KIAA1549: variants seen among roughly 807,000 people sequenced by gnomAD.
KIAA1549 encodes the protein UPF0606 protein KIAA1549.
A neutral mutation model predicts 156.4 loss-of-function variants in KIAA1549; 70 were observed. The ratio of observed to expected loss-of-function variants is 0.45; its 90% CI spans 0.37 to 0.55. The LOEUF (loss-of-function observed/expected upper bound fraction) is 0.55, where lower values mean the gene tolerates loss of function less well. Ranked by LOEUF, KIAA1549 falls within the 20% of genes least tolerant of loss-of-function variation. KIAA1549 has a pLI of 0.00. For synonymous variants in KIAA1549, 1,103 were observed against 1,066.4 expected (o/e 1.03, Z -0.67); for missense variants, 2,428 against 2,540.9 (o/e 0.96, Z 0.96).
rs571514665 is a variant in KIAA1549, at chr7:138,831,710, G to T, written c.*6196C>A. The T allele has an allele frequency of 8.6e-6, 2 of 231,240 alleles. No individual in the cohort carries two copies. Among genetic ancestry groups the T allele is most frequent in the South Asian group, 3.6e-4 (2 of 5,514 alleles). 14.3% of individuals were successfully genotyped at this position (231,240 alleles called of 1,614,324 possible). A position where few individuals can be genotyped will look rare whatever the true frequency, so the allele number is the denominator to read the frequency against. On this transcript the variant is annotated 3_prime_UTR_variant, in exon 20 of 20. Transcript: ENST00000422774. ...TCGTACATTAACGCTCATAATCTAGGGATGAGTGTGCAGGAAGAGCCAGAA... is the reference window on the plus strand; with the variant it reads ...TCGTACATTAACGCTCATAATCTAGTGATGAGTGTGCAGGAAGAGCCAGAA...
intron 1 of KIAA1549, among the ~76,000 whole-genome samples, chr7:138,949,146 C>T (rs1813418838): frequency 6.6e-6 from 1 of 152,148 alleles, no homozygotes; most frequent in Non-Finnish European, 1.5e-5. Flanking sequence ...TCGAAAAAAT[C>T]GTTTTGAGAC....
In KIAA1549 at chr7:138,918,053, G is replaced by A. The variant is rs1812403138; in HGVS notation, c.1573C>T (p.His525Tyr). Reference sequence around the variant, plus strand: ...GACGCCGGCACAGAGAGGCGGCCGTGGGCAGGGGGAACCTGTGTGGTTGTA... The same window carrying A: ...GACGCCGGCACAGAGAGGCGGCCGTAGGCAGGGGGAACCTGTGTGGTTGTA... ...SVTTTQVPPAHGRLSVPASLD... is the reference protein window; with the variant it reads ...SVTTTQVPPAYGRLSVPASLD... Residue 525 changes from histidine (H) to tyrosine (Y), a missense_variant, in exon 2 of 20, where the codon CAC becomes TAC. His to Tyr is a moderately conservative substitution (Grantham distance 83). Transcript: ENST00000422774. This position sits in a 1 kb window ranked among gnomAD's most constrained non-coding sequence, Gnocchi z 4.2. 6.2e-7 allele frequency: 1 copy of A among 1,612,600 alleles called. No homozygotes were observed. The highest frequency in any genetic ancestry group is 1.3e-5 in the African/African-American group (1 of 74,906).
In KIAA1549 at chr7:138,837,838, A is replaced by C; in HGVS notation, c.*68T>G. The C allele has an allele frequency of 6.5e-7, 1 of 1,540,780 alleles. No homozygotes were observed. Among genetic ancestry groups the C allele is most frequent in the Non-Finnish European group, 8.8e-7 (1 of 1,139,608 alleles). Reference sequence around the variant, plus strand: ...TCCTTCCTCTTCCAAACACCCACTCAGTTGATTTCCTTTTGGTCTTGCTTC... The same window carrying C: ...TCCTTCCTCTTCCAAACACCCACTCCGTTGATTTCCTTTTGGTCTTGCTTC... On this transcript the variant is annotated 3_prime_UTR_variant, in exon 20 of 20. Coordinates refer to ENST00000422774, the MANE Select transcript of KIAA1549 (RefSeq NM_001164665.2).
intron 15 of KIAA1549, among the ~76,000 whole-genome samples, chr7:138,867,132 T>C (rs920103868): frequency 1.3e-5 from 2 of 152,102 alleles, no homozygotes; most frequent in Non-Finnish European, 2.9e-5. Flanking sequence ...CTTTCTCCCA[T>C]AAAAGCAAAA....
intron 17 of KIAA1549, among the ~76,000 whole-genome samples, chr7:138,849,420 C>T (rs1468851104): frequency 6.6e-6 from 1 of 152,006 alleles, no homozygotes; most frequent in East Asian, 1.9e-4. Flanking sequence ...TATAGCTGCA[C>T]CTCACAACAT....
At chr7:138,843,135 T>C (rs1302759208) in intron 18 of KIAA1549, among the ~76,000 whole-genome samples, 3 of 152,246 alleles carry the variant, frequency 2.0e-5, no homozygotes, top group Non-Finnish European at 4.4e-5. Context: ...TGCTAGGCAC[T>C]ATTTTGAGCA....
Position 138,979,813 on chromosome 7 carries a change from C to T in KIAA1549, c.187+1270G>A, listed in dbSNP as rs144912324. On this transcript the variant is annotated intron_variant, in intron 1 of 19. Transcript: ENST00000422774. ...CTGGTTCCACCCAGCTATGGGAAAT[C>T]TCTGCAGAGGCTTCAGGTGTGGATA... Among the ~76,000 whole-genome samples, 638 of 152,334 alleles carry T rather than the reference C, an allele frequency of 4.2e-3. 2 individuals carry two copies. The highest frequency in any genetic ancestry group is 0.014 in the African/African-American group (602 of 41,566).
chr7:138,893,974 G>A (rs980533034), intron 10 of KIAA1549, among the ~76,000 whole-genome samples: 2 of 152,240 alleles, frequency 1.3e-5, no homozygotes, highest in African/African-American at 4.8e-5. Flanking sequence ...GGAGACCGAG[G>A]CAGGAGAATC....
chr7:138,909,648 T>C (rs1473947095), intron 4 of KIAA1549, among the ~76,000 whole-genome samples: 2 of 152,184 alleles, frequency 1.3e-5, no homozygotes, highest in Non-Finnish European at 2.9e-5. Context: ...ATATGATATT[T>C]AGAAATTACT....
chr7:138,899,144 C>T lies in KIAA1549; in HGVS notation c.3670-12G>A. On this transcript the variant is annotated splice_polypyrimidine_tract_variant and intron_variant, in intron 8 of 19. Transcript: ENST00000422774. ...GACACATTTACCACCTGAAAGATAG[C>T]AGAAACCATTCACATTGCAGAAGCT... 6.2e-7 allele frequency: 1 copy of T among 1,612,386 alleles called. No homozygotes were observed. Among genetic ancestry groups the T allele is most frequent in the South Asian group, 1.1e-5 (1 of 90,976 alleles).
At position 138,916,862 on chromosome 7, in the gene KIAA1549, G is replaced by T; in HGVS notation, c.2764C>A (p.Arg922Ser). Residue 922 changes from arginine to serine, a missense_variant, in exon 2 of 20, where the codon CGT becomes AGT. By Grantham distance (110) the Arg-to-Ser change is moderately radical. Transcript: ENST00000422774. ...SSAAPPLPSL[R>S]PVTAFTLEAT... ...TCGAGAGTGAAGGCAGTCACGGGAC[G>T]CAGGGATGGCAGGGGAGGAGCAGCA... 1 of 1,613,928 alleles carries T rather than the reference G, an allele frequency of 6.2e-7. No homozygotes were observed. Among genetic ancestry groups the T allele is most frequent in the Non-Finnish European group, 8.5e-7 (1 of 1,179,882 alleles).
intron 10 of KIAA1549, among the ~76,000 whole-genome samples, chr7:138,888,172 C>T (rs1056296885): frequency 9.2e-5 from 14 of 152,222 alleles, no homozygotes; most frequent in African/African-American, 3.1e-4. Context: ...GCCTGGCAGG[C>T]ACCCTTGTCC....
chr7:138,948,415 G>A (rs890774595), intron 1 of KIAA1549, among the ~76,000 whole-genome samples: 3 of 152,134 alleles, frequency 2.0e-5, no homozygotes, highest in African/African-American at 7.2e-5. Flanking sequence ...ACAAACACAA[G>A]AGGCAGGAAA....
At chr7:138,872,353 G>C (rs1411260941) in intron 12 of KIAA1549, among the ~76,000 whole-genome samples, 1 of 105,602 alleles carries the variant, frequency 9.5e-6, no homozygotes, top group Non-Finnish European at 1.9e-5. Context: ...AAACTAATCA[G>C]AACTGTGAAA....
intron 15 of KIAA1549, among the ~76,000 whole-genome samples, chr7:138,862,171 T>C (rs1164367893): frequency 6.6e-6 from 1 of 152,052 alleles, no homozygotes; most frequent in African/African-American, 2.4e-5. Context: ...CCTTAAAAGA[T>C]CAAAACTTTT....
intron 1 of KIAA1549, among the ~76,000 whole-genome samples, chr7:138,968,958 TG>T (rs1253483762): frequency 1.3e-5 from 2 of 151,636 alleles, no homozygotes; most frequent in Admixed American, 6.6e-5. Context: ...AGGTTTGGGG[TG>T]TAAGTGCAGG....
intron 13 of KIAA1549, 113 bp downstream of exon 13, chr7:138,871,044 C>G: frequency 1.0e-6 from 1 of 964,332 alleles, no homozygotes; most frequent in Non-Finnish European, 1.5e-6. Flanking sequence ...CTCAAACTCC[C>G]GACCTCAGGC....
At chr7:138,905,131 AG>A in intron 6 of KIAA1549, 50 bp from the exon 7 acceptor site, 1 of 1,273,414 alleles carries the variant, frequency 7.9e-7, no homozygotes, top group Non-Finnish European at 1.1e-6. Flanking sequence ...GTAAAAACAA[AG>A]CCATGTTTAC....
At chr7:138,958,660 T>C (rs1266356058) in intron 1 of KIAA1549, among the ~76,000 whole-genome samples, 1 of 152,108 alleles carries the variant, frequency 6.6e-6, no homozygotes, top group East Asian at 1.9e-4. Flanking sequence ...CTTATTACTA[T>C]CCCACTGTCT....
Sources: gnomAD v4.1 joint callset for allele counts (sites outside exome capture counted in the v4.1 genomes callset) on GRCh38, gnomAD v4.1.1 for gene constraint, Gnocchi (gnomAD v3.1) non-coding constraint, MANE v1.5 for transcripts, NCBI Gene and HGNC (gene_info 2026-07-23, HGNC 2026-07-21) for gene names.